KAT2B: variants seen among roughly 807,000 people sequenced by gnomAD.
The protein encoded by KAT2B is histone acetyltransferase KAT2B.
Under a neutral mutation model 105.9 loss-of-function variants are expected in KAT2B, and 36 were observed. That is an observed-to-expected ratio of 0.34 (90% confidence interval 0.26 to 0.45). The LOEUF (loss-of-function observed/expected upper bound fraction) is 0.45. Among genes scored for constraint, KAT2B ranks in the 20% least tolerant of loss-of-function variants. KAT2B has a pLI of 1.00. For synonymous variants in KAT2B, 397 were observed against 377.9 expected (o/e 1.05, Z -0.59); for missense variants, 820 against 1,021.6 (o/e 0.80, Z 2.69).
intron 3 of KAT2B, 150 bp from the exon 4 acceptor site, chr3:20,099,712 A>T (rs1698874652): frequency 3.8e-6 from 2 of 528,098 alleles, no homozygotes; most frequent in African/African-American, 1.9e-5. Flanking sequence ...TATAGTTAAG[A>T]TAAATAGAAT....
chr3:20,043,329 T>TTG (rs1225442111), intron 1 of KAT2B, among the ~76,000 whole-genome samples: 1 of 152,146 alleles, frequency 6.6e-6, no homozygotes, highest in Non-Finnish European at 1.5e-5. Context: ...GAGTTACTTA[T>TTG]TGTGTGTGTG....
chr3:20,051,132 A>G (rs906029491), intron 1 of KAT2B, among the ~76,000 whole-genome samples: 1 of 149,120 alleles, frequency 6.7e-6, no homozygotes, highest in African/African-American at 2.5e-5. Flanking sequence ...CCCAGGAGGC[A>G]GAGGTTGCAG....
chr3:20,092,184 T>A (rs1698730511), intron 2 of KAT2B, among the ~76,000 whole-genome samples: 1 of 152,136 alleles, frequency 6.6e-6, no homozygotes, highest in Non-Finnish European at 1.5e-5. Context: ...AGTCCCCTAC[T>A]ATTATTGTAT....
intron 1 of KAT2B, among the ~76,000 whole-genome samples, chr3:20,067,724 G>A (rs1698247288): frequency 6.6e-6 from 1 of 152,006 alleles, no homozygotes; most frequent in South Asian, 2.1e-4. Context: ...ACCCAGGCTG[G>A]AGTGCAGTGG....
intron 2 of KAT2B, among the ~76,000 whole-genome samples, 168 bp from the exon 3 acceptor site, chr3:20,095,095 T>C (rs576790893): frequency 6.6e-6 from 1 of 152,328 alleles, no homozygotes; most frequent in Admixed American, 6.5e-5. Flanking sequence ...TATAGGTAGA[T>C]TTTGTGAGAA....
intron 1 of KAT2B, among the ~76,000 whole-genome samples, chr3:20,062,012 A>AAAAC (rs1698119199): frequency 1.3e-5 from 1 of 74,548 alleles, no homozygotes; most frequent in Non-Finnish European, 3.0e-5. Context: ...TATAATATAT[A>AAAAC]TTATATATAA....
At chr3:20,148,694 G>A in intron 17 of KAT2B, 2 of 469,014 alleles carry the variant, frequency 4.3e-6, no homozygotes, top group Admixed American at 3.8e-5. Context: ...CTGTCGTTTA[G>A]AGCCCACATG....
chr3:20,067,998 CT>C (rs1208040350), intron 1 of KAT2B, among the ~76,000 whole-genome samples: 19 of 135,178 alleles, frequency 1.4e-4, no homozygotes, highest in Admixed American at 3.8e-4. Context: ...TTCTTTCTTT[CT>C]TTTTTTTTTG....
At chr3:20,075,286 A>G (rs1211151714) in intron 2 of KAT2B, among the ~76,000 whole-genome samples, 1 of 152,060 alleles carries the variant, frequency 6.6e-6, no homozygotes, top group Non-Finnish European at 1.5e-5. Context: ...AAAAGAAAAT[A>G]TAATAGTATA....
intron 9 of KAT2B, among the ~76,000 whole-genome samples, chr3:20,124,931 A>T (rs995778587): frequency 6.6e-6 from 1 of 152,220 alleles, no homozygotes; most frequent in Admixed American, 6.5e-5. Context: ...GATGGGGAGC[A>T]TAAGTGCTGG....
chr3:20,058,987 G>C (rs1029532596), intron 1 of KAT2B, among the ~76,000 whole-genome samples: 1 of 152,146 alleles, frequency 6.6e-6, no homozygotes, highest in Non-Finnish European at 1.5e-5. Flanking sequence ...GGTGATTCCT[G>C]AGTAGATTGG....
intron 13 of KAT2B, among the ~76,000 whole-genome samples, chr3:20,142,759 C>G (rs1699714896): frequency 6.6e-6 from 1 of 152,074 alleles, no homozygotes. Context: ...AGCAGAGGCT[C>G]AGAGTCCAAT....
At chr3:20,134,352 C>CAAA (rs1250937029) in intron 11 of KAT2B, among the ~76,000 whole-genome samples, 1 of 152,192 alleles carries the variant, frequency 6.6e-6, no homozygotes, top group African/African-American at 2.4e-5. Flanking sequence ...CTTCTCTTTA[C>CAAA]CACCTTGATT....
chr3:20,148,349 G>A lies in KAT2B; in HGVS notation c.2220+43G>A, dbSNP rs767087293. The A allele has an allele frequency of 2.5e-6, 4 of 1,610,140 alleles. No individual in the cohort carries two copies. In the South Asian group the frequency reaches 4.4e-5, roughly 18 times the overall value. Reference sequence around the variant, plus strand: ...TCACCTCATGCAAATATTTTGAAATGATTTCCCACATGGAATTTCCATATT... The same window carrying A: ...TCACCTCATGCAAATATTTTGAAATAATTTCCCACATGGAATTTCCATATT... On this transcript the variant is annotated intron_variant, in intron 16 of 17. Transcript: ENST00000263754.
intron 17 of KAT2B, among the ~76,000 whole-genome samples, chr3:20,151,362 A>G (rs1419046332): frequency 1.3e-5 from 2 of 152,154 alleles, no homozygotes; most frequent in African/African-American, 4.8e-5. Flanking sequence ...GATGATCCCA[A>G]TGTATTTGGT....
chr3:20,115,399 G>C lies in KAT2B; in HGVS notation c.1150+411G>C, dbSNP rs145509731. ...TGGAGTCGCAGTGATCCCAGAAAGA[G>C]GATCTGAATTCCTGCCTTTGACACT... On this transcript the variant is annotated intron_variant, in intron 7 of 17. Coordinates refer to ENST00000263754, the MANE Select transcript of KAT2B (RefSeq NM_003884.5). Among the ~76,000 whole-genome samples the C allele has an allele frequency of 1.9e-3, 287 of 152,282 alleles. 1 individual carries two copies. Among genetic ancestry groups the C allele is most frequent in the African/African-American group, 6.5e-3 (269 of 41,576 alleles).
At chr3:20,148,187 C>G (rs1389860008) in intron 15 of KAT2B, 56 bp from the exon 16 acceptor site, 2 of 1,485,772 alleles carry the variant, frequency 1.3e-6, no homozygotes, top group African/African-American at 2.8e-5. Flanking sequence ...TAGTAATCAG[C>G]TGGCAATAGG....
In KAT2B at chr3:20,140,421, G is replaced by A; in HGVS notation, c.2004+57G>A. The A allele has an allele frequency of 2.5e-6, 4 of 1,587,792 alleles. No homozygotes were observed. In the South Asian group the frequency reaches 4.5e-5, roughly 18 times the overall value. ...TACAGGCCAGTCTTAGCTGGGGTGG[G>A]TTGCATTTCCTTGGGTGCTGCGTGT... On this transcript the variant is annotated intron_variant, in intron 13 of 17. Transcript: ENST00000263754.
At chr3:20,144,613 T>TTG (rs1226739954) in intron 13 of KAT2B, among the ~76,000 whole-genome samples, 2 of 150,990 alleles carry the variant, frequency 1.3e-5, no homozygotes, top group Non-Finnish European at 3.0e-5. Flanking sequence ...TTTTTTTTTT[T>TTG]TAAGATTTGG....
Sources: gnomAD v4.1 joint callset for allele counts (sites outside exome capture counted in the v4.1 genomes callset) on GRCh38, gnomAD v4.1.1 for gene constraint, MANE v1.5 for transcripts, NCBI Gene and HGNC (gene_info 2026-07-23, HGNC 2026-07-21) for gene names.